Variants in LRRC4C observed in about 807,000 individuals in gnomAD.
LRRC4C encodes leucine rich repeat containing 4C.
Under a neutral mutation model 33.6 loss-of-function variants are expected in LRRC4C, and 5 were observed. The observed-to-expected ratio is 0.15, with a 90% CI of 0.08 to 0.31. The LOEUF (loss-of-function observed/expected upper bound fraction) is 0.31. Ranked by LOEUF, LRRC4C falls within the 10% of genes least tolerant of loss-of-function variation. The pLI is 1.00. For missense variants in LRRC4C, 560 were observed against 796.7 expected (o/e 0.70, Z 3.58); for synonymous variants, 329 against 302.0 (o/e 1.09, Z -0.93).
chr11:40,457,041 TGAG>T (rs1472958418), intron 3 of LRRC4C, among the ~76,000 whole-genome samples: 14 of 149,594 alleles, frequency 9.4e-5, no homozygotes, highest in Non-Finnish European at 4.4e-5. Context: ...CTAGTTAAAA[TGAG>T]GAGATTTTAA....
chr11:40,292,837 AGTTTAT>A (rs1244840983), intron 4 of LRRC4C: 1 of 151,934 alleles, frequency 6.6e-6, no homozygotes, highest in African/African-American at 2.4e-5. Flanking sequence ...TTGCACAATC[AGTTTAT>A]CCATTGCGTT....
At chr11:41,169,940 T>C (rs1279626075) in intron 1 of LRRC4C, among the ~76,000 whole-genome samples, 1 of 152,146 alleles carries the variant, frequency 6.6e-6, no homozygotes, top group East Asian at 1.9e-4. Context: ...TTAGAAGACA[T>C]TTTTGTTTTA....
intron 1 of LRRC4C, among the ~76,000 whole-genome samples, chr11:41,090,134 T>G (rs1166721057): frequency 1.3e-5 from 2 of 152,116 alleles, no homozygotes; most frequent in Non-Finnish European, 2.9e-5. Context: ...TGATTGACTT[T>G]GGAAAATGTT....
chr11:40,972,688 C>A (rs893599223), intron 1 of LRRC4C, among the ~76,000 whole-genome samples: 4 of 152,110 alleles, frequency 2.6e-5, no homozygotes, highest in Non-Finnish European at 5.9e-5. Context: ...GGAAAAGCCC[C>A]TTATGAAGCC....
intron 1 of LRRC4C, among the ~76,000 whole-genome samples, chr11:41,156,216 A>G (rs1271978471): frequency 6.6e-6 from 1 of 152,090 alleles, no homozygotes; most frequent in Non-Finnish European, 1.5e-5. Flanking sequence ...AGGGCTCTTG[A>G]TATTATTACA....
chr11:41,208,896 C>T (rs1946706045), intron 1 of LRRC4C, among the ~76,000 whole-genome samples: 1 of 152,108 alleles, frequency 6.6e-6, no homozygotes, highest in South Asian at 2.1e-4. Context: ...GGGCACCCCA[C>T]AGAACTGAGG....
chr11:41,106,967 T>G (rs899019266), intron 1 of LRRC4C, among the ~76,000 whole-genome samples: 7 of 151,998 alleles, frequency 4.6e-5, no homozygotes, highest in African/African-American at 1.7e-4. Context: ...GAGCTGTGAT[T>G]GCACCATGTA....
intron 1 of LRRC4C, among the ~76,000 whole-genome samples, chr11:41,102,004 A>C (rs1941217332): frequency 6.6e-6 from 1 of 152,228 alleles, no homozygotes; most frequent in African/African-American, 2.4e-5. Flanking sequence ...AGGAGAAGAA[A>C]GAAGAACAGA....
At chr11:41,193,340 G>C (rs1215726555) in intron 1 of LRRC4C, among the ~76,000 whole-genome samples, 4 of 152,036 alleles carry the variant, frequency 2.6e-5, no homozygotes, top group African/African-American at 7.2e-5. Context: ...CTCTAGATGA[G>C]AGCATTGTAA....
chr11:41,357,564 C>A (rs1827940), intron 1 of LRRC4C, among the ~76,000 whole-genome samples: 1 of 151,756 alleles, frequency 6.6e-6, no homozygotes, highest in East Asian at 1.9e-4. Context: ...ACTGGATTTG[C>A]GTATTTTCTC....
chr11:41,306,067 T>A (rs1029615691), intron 1 of LRRC4C, among the ~76,000 whole-genome samples: 4 of 150,990 alleles, frequency 2.6e-5, no homozygotes, highest in Non-Finnish European at 5.9e-5. Flanking sequence ...ATTAAATTAC[T>A]GTTTGTTTTG....
At chr11:40,879,559 C>A (rs1208826345) in intron 2 of LRRC4C, among the ~76,000 whole-genome samples, 2 of 151,998 alleles carry the variant, frequency 1.3e-5, no homozygotes, top group Non-Finnish European at 2.9e-5. Context: ...AAGAAGGAGA[C>A]CTACAAACAA....
At chr11:40,765,059 T>A (rs1949386386) in intron 2 of LRRC4C, among the ~76,000 whole-genome samples, 1 of 152,122 alleles carries the variant, frequency 6.6e-6, no homozygotes, top group African/African-American at 2.4e-5. Context: ...AGCAAGACCA[T>A]CCAGGAAAAC....
intron 1 of LRRC4C, among the ~76,000 whole-genome samples, chr11:41,016,898 C>A (rs551268723): frequency 6.6e-6 from 1 of 152,242 alleles, no homozygotes; most frequent in Non-Finnish European, 1.5e-5. Flanking sequence ...TTAAACATAC[C>A]AATAAATTGT....
chr11:40,344,283 C>T (rs527700928), intron 3 of LRRC4C, among the ~76,000 whole-genome samples: 1 of 152,188 alleles, frequency 6.6e-6, no homozygotes, highest in South Asian at 2.1e-4. Flanking sequence ...CCCAGCAGCA[C>T]ATTAAAAAGT....
At chr11:40,993,287 T>C (rs766357887) in intron 1 of LRRC4C, among the ~76,000 whole-genome samples, 12 of 152,264 alleles carry the variant, frequency 7.9e-5, no homozygotes, top group Non-Finnish European at 1.6e-4. Context: ...TTTTCTGTTT[T>C]TAAGTTTGCT....
intron 1 of LRRC4C, among the ~76,000 whole-genome samples, chr11:41,116,808 T>C (rs1023330149): frequency 3.3e-5 from 5 of 152,156 alleles, no homozygotes; most frequent in Admixed American, 6.6e-5. Context: ...TCAGCAGAAA[T>C]TAACAAAAGC....
chr11:41,395,692 A>T (rs570545691), intron 1 of LRRC4C, among the ~76,000 whole-genome samples: 2 of 152,094 alleles, frequency 1.3e-5, no homozygotes, highest in East Asian at 3.9e-4. Context: ...TTGAAACAAG[A>T]ATAAAATGAA....
At chr11:40,941,506 A>G (rs563448893) in intron 1 of LRRC4C, among the ~76,000 whole-genome samples, 2 of 152,276 alleles carry the variant, frequency 1.3e-5, no homozygotes, top group Non-Finnish European at 1.5e-5. Context: ...TTAAATTAAG[A>G]TCATAAGCAT....
Sources: gnomAD v4.1 joint callset for allele counts (sites outside exome capture counted in the v4.1 genomes callset) on GRCh38, gnomAD v4.1.1 for gene constraint, MANE v1.5 for transcripts, NCBI Gene and HGNC (gene_info 2026-07-23, HGNC 2026-07-21) for gene names.